ATG16L1: variants seen among roughly 807,000 people sequenced by gnomAD.
ATG16L1 encodes autophagy-related protein 16-1.
A neutral mutation model predicts 88.5 loss-of-function variants in ATG16L1; 37 were observed. That is an observed-to-expected ratio of 0.42 (90% CI 0.32 to 0.55). The LOEUF is 0.55. Among genes scored for constraint, ATG16L1 ranks in the 20% least tolerant of loss-of-function variants. The probability of loss-of-function intolerance (pLI) is 0.13; values close to 1 mark genes in which losing one functional copy is unlikely to be tolerated. For synonymous variants in ATG16L1, 301 were observed against 281.0 expected, an observed-to-expected ratio of 1.07 and a Z score of -0.71; for missense variants, 554 against 752.8, an observed-to-expected ratio of 0.74 and a Z score of 3.09.
intron 15 of ATG16L1, 50 bp downstream of exon 15, chr2:233,292,327 C>T (rs1323123765): frequency 1.2e-6 from 2 of 1,610,284 alleles, no homozygotes; most frequent in African/African-American, 2.8e-5. Context: ...CAGCCCTGCT[C>T]TCTTAACGTG....
chr2:233,286,589 C>G (rs1021236215), intron 12 of ATG16L1, among the ~76,000 whole-genome samples: 3 of 146,672 alleles, frequency 2.0e-5, no homozygotes, highest in Non-Finnish European at 4.5e-5. Context: ...CCAGCTTATT[C>G]TCACTGAGAA....
chr2:233,277,720 A>G, intron 10 of ATG16L1, 47 bp downstream of exon 10: 1 of 1,521,106 alleles, frequency 6.6e-7, no homozygotes, highest in South Asian at 1.1e-5. Context: ...GAGATGATGC[A>G]CCCTTGCACT....
intron 3 of ATG16L1, among the ~76,000 whole-genome samples, chr2:233,263,630 G>T (rs150424381): frequency 6.6e-6 from 1 of 152,166 alleles, no homozygotes; most frequent in African/African-American, 2.4e-5. Flanking sequence ...GGCTGTGTTC[G>T]CCTGGATGGT....
chr2:233,252,716 T>G (rs754633872), intron 1 of ATG16L1, among the ~76,000 whole-genome samples: 9 of 152,100 alleles, frequency 5.9e-5, no homozygotes, highest in Admixed American at 2.6e-4. Flanking sequence ...CGTAATATCT[T>G]TTAGGCGGGA....
At chr2:233,259,551 C>G (rs958238228) in intron 2 of ATG16L1, among the ~76,000 whole-genome samples, 4 of 152,130 alleles carry the variant, frequency 2.6e-5, no homozygotes, top group African/African-American at 9.7e-5. Flanking sequence ...ACTCGACTTG[C>G]TAGTGGGAGT....
chr2:233,266,335 T>C (rs573163480), intron 5 of ATG16L1, among the ~76,000 whole-genome samples: 4 of 152,276 alleles, frequency 2.6e-5, no homozygotes, highest in Non-Finnish European at 4.4e-5. Flanking sequence ...GGTATGTGCT[T>C]GTGGCCTCAG....
intron 12 of ATG16L1, 67 bp downstream of exon 12, chr2:233,282,820 G>A: frequency 7.0e-7 from 1 of 1,432,598 alleles, no homozygotes; most frequent in Non-Finnish European, 9.8e-7. Context: ...GGCACAAACT[G>A]GCAGGTGCTT....
At chr2:233,259,168 G>T (rs1697022206) in intron 2 of ATG16L1, among the ~76,000 whole-genome samples, 1 of 152,152 alleles carries the variant, frequency 6.6e-6, no homozygotes, top group African/African-American at 2.4e-5. Context: ...AGGGATTGGG[G>T]GTACTTAGGC....
intron 6 of ATG16L1, among the ~76,000 whole-genome samples, chr2:233,271,564 C>A (rs1482733518): frequency 2.0e-5 from 3 of 152,266 alleles, no homozygotes; most frequent in African/African-American, 7.2e-5. Flanking sequence ...AGGCATGAGC[C>A]ACCGAGCCCG....
intron 12 of ATG16L1, among the ~76,000 whole-genome samples, chr2:233,283,457 T>TAAA (rs10634694): frequency 0.068 from 9,808 of 144,150 alleles, 393 homozygotes; most frequent in South Asian, 0.17. Flanking sequence ...GGCATTTTAC[T>TAAA]AAAAAAAAAA....
intron 12 of ATG16L1, among the ~76,000 whole-genome samples, chr2:233,286,109 G>C (rs7587051): frequency 0.58 from 88,469 of 151,972 alleles, 26,655 homozygotes; most frequent in South Asian, 0.76. Flanking sequence ...TGGCTGCTAG[G>C]TGATGGTTTC....
At chr2:233,286,667 C>T (rs1373292443) in intron 12 of ATG16L1, among the ~76,000 whole-genome samples, 2 of 139,238 alleles carry the variant, frequency 1.4e-5, no homozygotes, top group Non-Finnish European at 3.0e-5. Context: ...GCTCAGTCAC[C>T]CAGGCTGGAG....
intron 5 of ATG16L1, among the ~76,000 whole-genome samples, chr2:233,265,443 G>A (rs1697500148): frequency 6.6e-6 from 1 of 152,158 alleles, no homozygotes; most frequent in Non-Finnish European, 1.5e-5. Flanking sequence ...ATATAGATGT[G>A]AAATTCCTAA....
In ATG16L1 at chr2:233,293,427, TC is replaced by T; in HGVS notation, c.1730+72del. The T allele has an allele frequency of 2.8e-6, 4 of 1,415,840 alleles. No individual in the cohort carries two copies. The Admixed American group carries it at 6.7e-5, about 24-fold the overall frequency. 87.7% of individuals were successfully genotyped at this position (1,415,840 alleles called of 1,614,324 possible). ...GCCTTTGACTTCATCTCAGGGGTCA[TC>T]CGGTTTAGACCTCAGTCGGCGCTGT... is the stretch of plus-strand genomic sequence containing the variant. On this transcript the variant is annotated intron_variant, in intron 17 of 17. Transcript: ENST00000392017.
chr2:233,270,882 T>A (rs1314559905), intron 6 of ATG16L1, among the ~76,000 whole-genome samples: 1 of 152,194 alleles, frequency 6.6e-6, no homozygotes, highest in East Asian at 1.9e-4. Flanking sequence ...AGTTTTAGAG[T>A]TTTGATCCAC....
At chr2:233,285,248 G>T (rs528616774) in intron 12 of ATG16L1, among the ~76,000 whole-genome samples, 1 of 151,020 alleles carries the variant, frequency 6.6e-6, no homozygotes. Context: ...AATTATTGAA[G>T]AGGGGCCTAC....
intron 12 of ATG16L1, among the ~76,000 whole-genome samples, chr2:233,285,808 C>T (rs1402285219): frequency 6.6e-6 from 1 of 152,172 alleles, no homozygotes; most frequent in African/African-American, 2.4e-5. Context: ...TCACAGACAT[C>T]CATGCCCTGT....
chr2:233,261,101 G>A (rs1697178217), intron 2 of ATG16L1, among the ~76,000 whole-genome samples: 1 of 152,076 alleles, frequency 6.6e-6, no homozygotes, highest in Non-Finnish European at 1.5e-5. Flanking sequence ...GACTACAGGT[G>A]CCCGCCACCA....
At chr2:233,252,040 C>A in intron 1 of ATG16L1, 98 bp downstream of exon 1, 1 of 1,090,860 alleles carries the variant, frequency 9.2e-7, no homozygotes, top group Non-Finnish European at 1.2e-6. Flanking sequence ...CTGGCGCCGC[C>A]CGCACGCATG....
Sources: allele counts gnomAD v4.1 joint callset (sites outside exome capture counted in the v4.1 genomes callset), GRCh38; gene constraint gnomAD v4.1.1; transcripts MANE v1.5; gene names NCBI Gene and HGNC (gene_info 2026-07-23, HGNC 2026-07-21).